Variants in OLA1 observed in about 807,000 individuals in gnomAD.
The protein encoded by OLA1 is Obg like ATPase 1.
In OLA1, 14 loss-of-function variants were observed where a neutral mutation model predicts 48.4. That is an observed-to-expected ratio of 0.29 (90% CI 0.19 to 0.45). The LOEUF (loss-of-function observed/expected upper bound fraction) is 0.45. Among genes scored for constraint, OLA1 ranks in the 20% least tolerant of loss-of-function variants. The probability of loss-of-function intolerance (pLI) is 1.00; values close to 1 mark genes in which losing one functional copy is unlikely to be tolerated. For missense variants in OLA1, 325 were observed against 467.1 expected, an observed-to-expected ratio of 0.70 and a Z score of 2.80; for synonymous variants, 127 against 150.4, an observed-to-expected ratio of 0.84 and a Z score of 1.14.
At chr2:174,203,465 CTT>C (rs71021678) in intron 4 of OLA1, among the ~76,000 whole-genome samples, 24 of 140,510 alleles carry the variant, frequency 1.7e-4, no homozygotes, top group Admixed American at 2.1e-4. Context: ...TAGCTAACAT[CTT>C]TTTTTTTTTT....
In OLA1 at chr2:174,141,888, G is replaced by A. The variant is rs570495275; in HGVS notation, c.486C>T (p.Pro162=). ...CCACCTTTTCTAGTTTATCTATAAT[G>A]GGCCCAATCATTTCCTCATCTTTAA... ...LQLKDEEMIG[P]IIDKLEKVAV... Residue 162 remains proline (P), a synonymous_variant, in exon 5 of 11, where the codon CCC becomes CCT. Coordinates refer to ENST00000284719, the MANE Select transcript of OLA1 (RefSeq NM_013341.5). The A allele has an allele frequency of 1.4e-5, 23 of 1,611,782 alleles. No individual in the cohort carries two copies. The East Asian group carries it at 3.4e-4, about 23-fold the overall frequency.
intron 7 of OLA1, among the ~76,000 whole-genome samples, chr2:174,102,339 A>T (rs1057026360): frequency 2.6e-5 from 4 of 152,010 alleles, no homozygotes; most frequent in African/African-American, 7.2e-5. Context: ...GCAAGTGAAA[A>T]AAGTTAACAA....
At chr2:174,132,710 A>G (rs1299202682) in intron 5 of OLA1, among the ~76,000 whole-genome samples, 1 of 152,126 alleles carries the variant, frequency 6.6e-6, no homozygotes, top group Non-Finnish European at 1.5e-5. Context: ...TATATTCTTT[A>G]TGACTTCAAT....
intron 4 of OLA1, among the ~76,000 whole-genome samples, chr2:174,214,708 C>A (rs1256571389): frequency 1.3e-5 from 2 of 152,078 alleles, no homozygotes; most frequent in African/African-American, 4.8e-5. Flanking sequence ...GGCAGCTCTG[C>A]CCGTTAGTTC....
intron 4 of OLA1, among the ~76,000 whole-genome samples, chr2:174,220,974 T>C (rs1483678899): frequency 6.6e-6 from 1 of 152,198 alleles, no homozygotes; most frequent in East Asian, 1.9e-4. Flanking sequence ...CTCAAAGTAA[T>C]CCATAATCTT....
At chr2:174,137,360 AGCACAG>A (rs75726931) in intron 5 of OLA1, among the ~76,000 whole-genome samples, 17,350 of 152,148 alleles carry the variant, frequency 0.11, 2,256 homozygotes, top group East Asian at 0.72. Context: ...CCACTTATAT[AGCACAG>A]GCAGAATAGA....
intron 4 of OLA1, among the ~76,000 whole-genome samples, chr2:174,203,359 T>C (rs1225977704): frequency 1.3e-5 from 2 of 152,136 alleles, no homozygotes; most frequent in Non-Finnish European, 2.9e-5. Context: ...CAAATTCAAT[T>C]CGTAAAGATT....
intron 4 of OLA1, among the ~76,000 whole-genome samples, chr2:174,167,512 G>T (rs140743503): frequency 7.9e-5 from 12 of 152,308 alleles, no homozygotes; most frequent in Non-Finnish European, 1.3e-4. Flanking sequence ...TGAGGCGGAG[G>T]TTGCAGTGAG....
In OLA1 at chr2:174,163,707, AATAAATATATATATATATATAT is replaced by A. The variant is rs1440063979; in HGVS notation, c.374-21729_374-21708del. Among the ~76,000 whole-genome samples the A allele has an allele frequency of 3.5e-4, 14 of 39,992 alleles. 1 individual carries two copies. Among genetic ancestry groups the A allele is most frequent in the African/African-American group, 1.2e-3 (11 of 9,068 alleles). The allele number at this position is 39,992 out of a possible 152,430, so 26.2% of individuals were successfully genotyped here. On this transcript the variant is annotated intron_variant, in intron 4 of 10. Transcript: ENST00000284719. ...CCTTGTCTCAAAAATAAAATAAATAAATAAATATATATATATATATATATATATATATATATATATATATATA... is the reference window on the plus strand; with the variant it reads ...CCTTGTCTCAAAAATAAAATAAATAAATATATATATATATATATATATATA...
At position 174,075,400 on chromosome 2, in the gene OLA1, A is replaced by G. The variant is rs1351657080; in HGVS notation, c.*26T>C. 2 of 1,367,612 alleles carry G rather than the reference A, an allele frequency of 1.5e-6. No individual in the cohort carries two copies. Among genetic ancestry groups the G allele is most frequent in the South Asian group, 2.4e-5 (2 of 83,644 alleles). The allele number at this position is 1,367,612 out of a possible 1,614,324, so 84.7% of individuals were successfully genotyped here. A position where few individuals can be genotyped will look rare whatever the true frequency, so the allele number is the denominator to read the frequency against. On this transcript the variant is annotated 3_prime_UTR_variant, in exon 11 of 11. Transcript: ENST00000284719. Reference sequence around the variant, plus strand: ...AAATCAGATGCCTTTTGGAAGTTGTATGTTTATCTGAGCAATAACTAAATT... The same window carrying G: ...AAATCAGATGCCTTTTGGAAGTTGTGTGTTTATCTGAGCAATAACTAAATT...
intron 7 of OLA1, among the ~76,000 whole-genome samples, chr2:174,091,580 T>C (rs1030810135): frequency 6.6e-6 from 1 of 152,166 alleles, no homozygotes; most frequent in Non-Finnish European, 1.5e-5. Context: ...AAATGTTACT[T>C]TTTAACATCT....
In OLA1 at chr2:174,177,712, G is replaced by A. The variant is rs187017864; in HGVS notation, c.374-35712C>T. ...AAGTCAGCTAGCTTAATAAAATCAA[G>A]TACATTTGGATTTCTTAAATTTTTT... On this transcript the variant is annotated intron_variant, in intron 4 of 10. Coordinates refer to ENST00000284719, the MANE Select transcript of OLA1 (RefSeq NM_013341.5). 1.3e-4 allele frequency among the ~76,000 whole-genome samples: 19 copies of A among 151,940 alleles called. No homozygotes were observed. In the East Asian group the frequency reaches 3.7e-3, roughly 29 times the overall value.
intron 2 of OLA1, among the ~76,000 whole-genome samples, chr2:174,239,841 C>T (rs952564333): frequency 2.0e-5 from 3 of 151,186 alleles, no homozygotes; most frequent in Non-Finnish European, 4.4e-5. Context: ...CTGCAGTGAG[C>T]TATGATCAGG....
At chr2:174,123,370 C>A in intron 6 of OLA1, 93 bp from the exon 7 acceptor site, 1 of 634,284 alleles carries the variant, frequency 1.6e-6, no homozygotes, top group East Asian at 3.1e-5. Flanking sequence ...TTCCTTAAAA[C>A]AAGTAGGCAT....
intron 7 of OLA1, among the ~76,000 whole-genome samples, chr2:174,117,809 G>A (rs550484658): frequency 2.0e-5 from 3 of 152,088 alleles, no homozygotes; most frequent in South Asian, 4.2e-4. Flanking sequence ...AATCCTTCCC[G>A]AGGTCCTGCC....
At chr2:174,078,001 C>T (rs1684785063) in intron 10 of OLA1, among the ~76,000 whole-genome samples, 1 of 151,940 alleles carries the variant, frequency 6.6e-6, no homozygotes, top group Non-Finnish European at 1.5e-5. Context: ...ATTCCTTCCA[C>T]TCTTTCAAAA....
At chr2:174,114,989 G>A (rs1334849492) in intron 7 of OLA1, among the ~76,000 whole-genome samples, 1 of 152,082 alleles carries the variant, frequency 6.6e-6, no homozygotes, top group Non-Finnish European at 1.5e-5. Context: ...AACTAGCCAG[G>A]TGTGGTAGCC....
chr2:174,180,224 T>A (rs1413288419), intron 4 of OLA1, among the ~76,000 whole-genome samples: 1 of 152,118 alleles, frequency 6.6e-6, no homozygotes, highest in African/African-American at 2.4e-5. Context: ...AATATTATAT[T>A]TATGTGGAAA....
chr2:174,238,476 A>T lies in OLA1; in HGVS notation c.101+8239T>A, dbSNP rs531875186. Among the ~76,000 whole-genome samples the T allele has an allele frequency of 6.4e-4, 94 of 147,902 alleles. 1 individual carries two copies. Among genetic ancestry groups the T allele is most frequent in the African/African-American group, 1.8e-3 (71 of 39,960 alleles). ...GCCACAGAACTCCAGCCTGGGCAAC[A>T]GAGTGAGACTCTATGTCCAAAAAAA... On this transcript the variant is annotated intron_variant, in intron 2 of 10. Coordinates refer to ENST00000284719, the MANE Select transcript of OLA1 (RefSeq NM_013341.5).
Sources: gnomAD v4.1 joint callset for allele counts (sites outside exome capture counted in the v4.1 genomes callset) on GRCh38, gnomAD v4.1.1 for gene constraint, MANE v1.5 for transcripts, NCBI Gene and HGNC (gene_info 2026-07-23, HGNC 2026-07-21) for gene names.